MALRD1: variants seen among roughly 807,000 people sequenced by gnomAD.
The protein encoded by MALRD1 is MAM and LDL-receptor class A domain-containing protein 1.
Under a neutral mutation model 242.1 loss-of-function variants are expected in MALRD1, and 247 were observed. The observed-to-expected ratio is 1.02, with a 90% CI of 0.92 to 1.13. The LOEUF (loss-of-function observed/expected upper bound fraction) is 1.13, where lower values mean the gene tolerates loss of function less well. Among genes scored for constraint, MALRD1 ranks in the 50% most tolerant of loss-of-function variants. The pLI is 0.00. For missense variants in MALRD1, 2,989 were observed against 2,533.1 expected (o/e 1.18, Z -3.86); for synonymous variants, 995 against 866.6 (o/e 1.15, Z -2.60).
At chr10:19,208,471 T>G (rs989489765) in intron 17 of MALRD1, among the ~76,000 whole-genome samples, 14 of 152,104 alleles carry the variant, frequency 9.2e-5, no homozygotes, top group African/African-American at 3.4e-4. Flanking sequence ...TGAGCATACA[T>G]GAAAGAATCT....
intron 31 of MALRD1, among the ~76,000 whole-genome samples, chr10:19,505,469 C>T (rs1391854964): frequency 6.6e-6 from 1 of 152,156 alleles, no homozygotes; most frequent in Admixed American, 6.5e-5. Flanking sequence ...AGAGAGAAGA[C>T]AGTCATTGCA....
At chr10:19,618,327 A>G (rs182891183) in intron 36 of MALRD1, among the ~76,000 whole-genome samples, 126 of 152,164 alleles carry the variant, frequency 8.3e-4, no homozygotes, top group African/African-American at 3.0e-3. Flanking sequence ...AGTAAAACTT[A>G]TATTCCTTTG....
chr10:19,722,782 G>C (rs73597608), intron 38 of MALRD1, among the ~76,000 whole-genome samples: 6,026 of 151,958 alleles, frequency 0.04, 390 homozygotes, highest in African/African-American at 0.13. Flanking sequence ...ATAAGGAAAG[G>C]AGGTGAAGAG....
chr10:19,408,433 C>A (rs1833128964), intron 28 of MALRD1, among the ~76,000 whole-genome samples: 1 of 152,092 alleles, frequency 6.6e-6, no homozygotes, highest in South Asian at 2.1e-4. Flanking sequence ...CAGCCTTGAT[C>A]CTTGACTTCA....
chr10:19,540,306 C>G (rs1834906992), intron 32 of MALRD1, among the ~76,000 whole-genome samples: 1 of 151,578 alleles, frequency 6.6e-6, no homozygotes, highest in African/African-American at 2.4e-5. Context: ...TACCCCAACT[C>G]AGCCTCTCTT....
chr10:19,612,285 A>C (rs1331180269), intron 35 of MALRD1, among the ~76,000 whole-genome samples: 1 of 151,928 alleles, frequency 6.6e-6, no homozygotes, highest in Non-Finnish European at 1.5e-5. Context: ...TTCTGTTCAG[A>C]GGAGCATGCC....
At chr10:19,579,310 C>G (rs184683225) in intron 33 of MALRD1, among the ~76,000 whole-genome samples, 1 of 152,278 alleles carries the variant, frequency 6.6e-6, no homozygotes, top group Admixed American at 6.5e-5. Context: ...TGATTTGTCT[C>G]TCATTTGACC....
chr10:19,575,908 T>A (rs1213932786), intron 33 of MALRD1, among the ~76,000 whole-genome samples: 1 of 152,168 alleles, frequency 6.6e-6, no homozygotes, highest in Non-Finnish European at 1.5e-5. Flanking sequence ...AACTCCCAAA[T>A]TAGTCCTCTA....
chr10:19,691,986 A>G (rs1372705664), intron 36 of MALRD1, among the ~76,000 whole-genome samples: 1 of 152,142 alleles, frequency 6.6e-6, no homozygotes, highest in Non-Finnish European at 1.5e-5. Flanking sequence ...AATATTGGAC[A>G]CTGGTGAAAA....
intron 2 of MALRD1, among the ~76,000 whole-genome samples, chr10:19,076,681 C>T (rs1342722413): frequency 6.6e-6 from 1 of 152,016 alleles, no homozygotes; most frequent in Non-Finnish European, 1.5e-5. Flanking sequence ...TTCTTGATTA[C>T]TGCAGCCTTG....
intron 31 of MALRD1, among the ~76,000 whole-genome samples, chr10:19,508,927 G>T (rs188037241): frequency 2.4e-4 from 36 of 152,258 alleles, no homozygotes; most frequent in Middle Eastern, 3.4e-3. Flanking sequence ...TTGAAGATGA[G>T]TAGTCTTTTA....
chr10:19,639,951 A>G (rs1424311859), intron 36 of MALRD1, among the ~76,000 whole-genome samples: 1 of 152,174 alleles, frequency 6.6e-6, no homozygotes. Context: ...GGTTAAGTCC[A>G]CAGCAAAGCT....
At chr10:19,179,820 T>C (rs1046877031) in intron 14 of MALRD1, among the ~76,000 whole-genome samples, 1 of 152,212 alleles carries the variant, frequency 6.6e-6, no homozygotes, top group African/African-American at 2.4e-5. Flanking sequence ...TAAATAGTTC[T>C]ATGGTCATAA....
chr10:19,649,826 C>A (rs1398795079), intron 36 of MALRD1, among the ~76,000 whole-genome samples: 1 of 151,930 alleles, frequency 6.6e-6, no homozygotes, highest in Non-Finnish European at 1.5e-5. Flanking sequence ...ATGGTATTGC[C>A]TAGCTTGTCT....
intron 28 of MALRD1, among the ~76,000 whole-genome samples, chr10:19,424,796 G>A (rs559349651): frequency 4.3e-4 from 65 of 152,174 alleles, no homozygotes; most frequent in South Asian, 2.7e-3. Context: ...TCCAAAAGCA[G>A]TAGAATCCTG....
chr10:19,259,171 T>C (rs950385595), intron 19 of MALRD1, among the ~76,000 whole-genome samples: 1 of 152,160 alleles, frequency 6.6e-6, no homozygotes, highest in Non-Finnish European at 1.5e-5. Context: ...TTCTATCTCA[T>C]TCAGAGCAAA....
intron 34 of MALRD1, 86 bp from the exon 35 acceptor site, chr10:19,607,691 G>A (rs1205797964): frequency 2.5e-5 from 36 of 1,461,370 alleles, no homozygotes; most frequent in East Asian, 1.8e-4. Context: ...ATAATAAACT[G>A]TTTTATGTTA....
intron 26 of MALRD1, among the ~76,000 whole-genome samples, chr10:19,358,460 T>C (rs1235223073): frequency 6.6e-6 from 1 of 152,150 alleles, no homozygotes; most frequent in African/African-American, 2.4e-5. Context: ...GAAATAGGAA[T>C]ATCTGACTGG....
chr10:19,334,902 T>C (rs1037097806), intron 24 of MALRD1, among the ~76,000 whole-genome samples: 12 of 152,216 alleles, frequency 7.9e-5, no homozygotes, highest in Non-Finnish European at 1.5e-4. Flanking sequence ...AGATATAGTT[T>C]AGTGTAATTT....
Sources: gnomAD v4.1 joint callset for allele counts (sites outside exome capture counted in the v4.1 genomes callset) on GRCh38, gnomAD v4.1.1 for gene constraint, MANE v1.5 for transcripts, NCBI Gene and HGNC (gene_info 2026-07-23, HGNC 2026-07-21) for gene names.